Variants in RASA2 observed in about 807,000 individuals in gnomAD.
RASA2 encodes the protein RAS p21 protein activator 2.
RASA2 carries 155 observed loss-of-function variants against 118.2 expected under a neutral mutation model. That is an observed-to-expected ratio of 1.31 (90% CI 1.15 to 1.50). The LOEUF (loss-of-function observed/expected upper bound fraction) is 1.50, where lower values mean the gene tolerates loss of function less well. RASA2 is among the 40% of genes most tolerant of loss of function. The pLI, the probability that RASA2 is intolerant of heterozygous loss-of-function variation, is 0.00. For missense variants in RASA2, 1,016 were observed against 1,009.6 expected, an observed-to-expected ratio of 1.01 and a Z score of -0.09; for synonymous variants, 353 against 349.1, an observed-to-expected ratio of 1.01 and a Z score of -0.12.
chr3:141,575,639 G>T (rs2082998631), intron 14 of RASA2, among the ~76,000 whole-genome samples: 1 of 152,178 alleles, frequency 6.6e-6, no homozygotes, highest in Non-Finnish European at 1.5e-5. Context: ...CAGGCAAGCA[G>T]GGCCTCAAAC....
At chr3:141,532,306 A>G (rs565382126) in intron 4 of RASA2, among the ~76,000 whole-genome samples, 2 of 152,222 alleles carry the variant, frequency 1.3e-5, no homozygotes, top group South Asian at 2.1e-4. Context: ...ATTCTGTACT[A>G]TTAGTCATTA....
chr3:141,602,071 C>G (rs577218040), intron 19 of RASA2, among the ~76,000 whole-genome samples: 2 of 152,322 alleles, frequency 1.3e-5, no homozygotes, highest in African/African-American at 4.8e-5. Flanking sequence ...AGAGTAACTG[C>G]TTTGAAGTCT....
At chr3:141,573,458 A>G (rs2082956666) in intron 13 of RASA2, among the ~76,000 whole-genome samples, 1 of 152,210 alleles carries the variant, frequency 6.6e-6, no homozygotes, top group African/African-American at 2.4e-5. Context: ...TAGTAACAAT[A>G]GTGAACTTAA....
At chr3:141,487,642 C>T (rs970809671) in intron 1 of RASA2, among the ~76,000 whole-genome samples, 3 of 151,612 alleles carry the variant, frequency 2.0e-5, no homozygotes, top group Admixed American at 6.6e-5. Context: ...CGGTGGGAGC[C>T]GAGCAGTAAT....
intron 19 of RASA2, among the ~76,000 whole-genome samples, chr3:141,592,947 ATT>A (rs746994418): frequency 7.9e-5 from 12 of 152,250 alleles, no homozygotes; most frequent in Admixed American, 1.3e-4. Flanking sequence ...AGAAGCTTAT[ATT>A]AGACTAACTC....
intron 5 of RASA2, among the ~76,000 whole-genome samples, chr3:141,544,228 ATTTAT>A (rs1428796123): frequency 6.6e-6 from 1 of 152,084 alleles, no homozygotes; most frequent in African/African-American, 2.4e-5. Context: ...CCTGGAATAG[ATTTAT>A]TTAATTTATC....
chr3:141,529,165 T>C (rs2082223470), intron 3 of RASA2, among the ~76,000 whole-genome samples: 2 of 152,100 alleles, frequency 1.3e-5, no homozygotes, highest in Admixed American at 6.6e-5. Flanking sequence ...TTGCAATGTT[T>C]TGATAAAAGT....
chr3:141,560,027 G>T, intron 9 of RASA2, 32 bp downstream of exon 9: 1 of 1,533,820 alleles, frequency 6.5e-7, no homozygotes, highest in Non-Finnish European at 9.0e-7. Flanking sequence ...GAACTCCATA[G>T]TTTAATTCTC....
At chr3:141,532,875 A>G (rs2082278550) in intron 4 of RASA2, among the ~76,000 whole-genome samples, 1 of 152,164 alleles carries the variant, frequency 6.6e-6, no homozygotes, top group South Asian at 2.1e-4. Flanking sequence ...CTTATTGAGC[A>G]TAAGTTCTCA....
chr3:141,553,628 A>ATTC (rs1167141474), intron 5 of RASA2, among the ~76,000 whole-genome samples: 1 of 152,152 alleles, frequency 6.6e-6, no homozygotes, highest in Non-Finnish European at 1.5e-5. Flanking sequence ...TGATTGTGGC[A>ATTC]TTCCTGTTTA....
rs918794122 is a variant in RASA2, at chr3:141,546,553, G to A, written c.527+5944G>A. ...AATCAGATTATTATATTCTTTTCCCGTAGAGTTGTTTGACCTCCTTACATA... is the reference window on the plus strand; with the variant it reads ...AATCAGATTATTATATTCTTTTCCCATAGAGTTGTTTGACCTCCTTACATA... On this transcript the variant is annotated intron_variant, in intron 5 of 23. Coordinates refer to ENST00000286364, the MANE Select transcript of RASA2 (RefSeq NM_006506.5). Among the ~76,000 whole-genome samples the A allele has an allele frequency of 3.9e-5, 6 of 152,028 alleles. 1 individual carries two copies. The highest frequency in any genetic ancestry group is 4.1e-4 in the South Asian group (2 of 4,828).
At chr3:141,573,251 C>T in intron 13 of RASA2, 30 bp downstream of exon 13, 2 of 1,524,316 alleles carry the variant, frequency 1.3e-6, no homozygotes, top group Non-Finnish European at 1.7e-6. Context: ...TTTATAATTG[C>T]ATTAAAATTG....
chr3:141,561,832 TTTTTC>T (rs1454596144), intron 9 of RASA2, among the ~76,000 whole-genome samples: 4 of 152,188 alleles, frequency 2.6e-5, no homozygotes, highest in Non-Finnish European at 5.9e-5. Flanking sequence ...AATTACTGGG[TTTTTC>T]TTTTCAACAG....
At position 141,494,769 on chromosome 3, in the gene RASA2, T is replaced by G. The variant is rs145030911; in HGVS notation, c.133+7553T>G. Among the ~76,000 whole-genome samples the G allele has an allele frequency of 1.4e-3, 219 of 152,336 alleles. 7 individuals carry two copies. In the East Asian group the frequency reaches 0.024, roughly 17 times the overall value. ...TTTTGATGTGCTATGTGAACTGGTC[T>G]ATTTCTTTTGTCCTTTTTTTTCTGG... On this transcript the variant is annotated intron_variant, in intron 1 of 23. Coordinates refer to ENST00000286364, the MANE Select transcript of RASA2 (RefSeq NM_006506.5).
chr3:141,565,858 A>G lies in RASA2; in HGVS notation c.864-5054A>G, dbSNP rs1006244376. On this transcript the variant is annotated intron_variant, in intron 9 of 23. Transcript: ENST00000286364. ...TCATTGACCATATCTTTACATCACT[A>G]TTTCTTAAATCAGACAGTAGATGTT... Among the ~76,000 whole-genome samples the G allele has an allele frequency of 2.6e-5, 4 of 152,096 alleles. No individual in the cohort carries two copies. The East Asian group carries it at 7.7e-4, about 29-fold the overall frequency.
chr3:141,530,648 C>G (rs977373912), intron 4 of RASA2, among the ~76,000 whole-genome samples: 4 of 152,086 alleles, frequency 2.6e-5, no homozygotes, highest in Admixed American at 6.6e-5. Flanking sequence ...AAATAAGTGC[C>G]TGTGTCTCCA....
chr3:141,597,051 T>A (rs1301978073), intron 19 of RASA2, among the ~76,000 whole-genome samples: 1 of 152,138 alleles, frequency 6.6e-6, no homozygotes, highest in African/African-American at 2.4e-5. Context: ...AACCTAAATG[T>A]CTATCAGCTG....
intron 9 of RASA2, among the ~76,000 whole-genome samples, chr3:141,562,187 C>T (rs894593266): frequency 7.3e-5 from 11 of 151,708 alleles, no homozygotes; most frequent in Non-Finnish European, 1.3e-4. Flanking sequence ...CTCCTGACCT[C>T]GTGATCCGCC....
intron 1 of RASA2, among the ~76,000 whole-genome samples, chr3:141,500,057 C>T (rs537249662): frequency 1.3e-5 from 2 of 152,316 alleles, no homozygotes; most frequent in African/African-American, 2.4e-5. Context: ...GATATTCCAG[C>T]AGTCACCATA....
Sources: allele counts gnomAD v4.1 joint callset (sites outside exome capture counted in the v4.1 genomes callset), GRCh38; gene constraint gnomAD v4.1.1; transcripts MANE v1.5; gene names NCBI Gene and HGNC (gene_info 2026-07-23, HGNC 2026-07-21).